The following CEP128 variants were observed in gnomAD, a reference collection of about 807,000 sequenced individuals.
CEP128 encodes the protein centrosomal protein 128kDa.
In CEP128, 132 loss-of-function variants were observed where a neutral mutation model predicts 156.7. The ratio of observed to expected loss-of-function variants is 0.84; its 90% CI spans 0.73 to 0.97. CEP128 has a LOEUF of 0.97. CEP128 is among the 50% of genes least tolerant of loss of function. The pLI is 0.00. For missense variants in CEP128, 1,252 were observed against 1,281.9 expected, an observed-to-expected ratio of 0.98 and a Z score of 0.36; for synonymous variants, 469 against 448.9, an observed-to-expected ratio of 1.04 and a Z score of -0.57.
intron 19 of CEP128, among the ~76,000 whole-genome samples, chr14:80,593,414 G>A (rs939375078): frequency 4.0e-5 from 6 of 151,748 alleles, no homozygotes; most frequent in African/African-American, 7.3e-5. Context: ...GGTGGAAGGC[G>A]CCTGTAGTCC....
At chr14:80,925,546 T>C (rs1198886424) in intron 2 of CEP128, among the ~76,000 whole-genome samples, 1 of 152,128 alleles carries the variant, frequency 6.6e-6, no homozygotes, top group Non-Finnish European at 1.5e-5. Flanking sequence ...GTAGCTAGTG[T>C]GATGTTAAAC....
At chr14:80,619,890 C>T (rs34201956) in intron 19 of CEP128, among the ~76,000 whole-genome samples, 71,460 of 151,626 alleles carry the variant, frequency 0.47, 19,788 homozygotes, top group Non-Finnish European at 0.59. Flanking sequence ...TTTGGGAGGT[C>T]GAGGCGTGTG....
intron 12 of CEP128, among the ~76,000 whole-genome samples, chr14:80,833,535 T>C (rs1885920970): frequency 6.6e-6 from 1 of 151,978 alleles, no homozygotes; most frequent in Non-Finnish European, 1.5e-5. Context: ...TTGGTCAGTA[T>C]AGGATAGCAG....
At chr14:80,956,621 T>C (rs1292333739) in intron 2 of CEP128, among the ~76,000 whole-genome samples, 1 of 152,050 alleles carries the variant, frequency 6.6e-6, no homozygotes, top group Non-Finnish European at 1.5e-5. Flanking sequence ...CTTGATTAGT[T>C]AAAAAGAGAA....
At position 80,778,023 on chromosome 14, in the gene CEP128, A is replaced by G; in HGVS notation, c.2235T>C (p.Asn745=). 6.2e-7 allele frequency: 1 copy of G among 1,613,400 alleles called. No homozygotes were observed. Among genetic ancestry groups the G allele is most frequent in the Non-Finnish European group, 8.5e-7 (1 of 1,179,854 alleles). ...GCTGACCACGATGAATTTTAGCCATATTCTTCTCTTCTAAACTTTCAGCCT... is the reference window on the plus strand; with the variant it reads ...GCTGACCACGATGAATTTTAGCCATGTTCTTCTCTTCTAAACTTTCAGCCT... ...TLKAESLEEK[N]MAKIHRGQLE... Residue 745 remains asparagine, a synonymous_variant, in exon 16 of 25, where the codon AAT becomes AAC. Transcript: ENST00000555265.
At chr14:80,756,394 T>G (rs113037033) in intron 18 of CEP128, among the ~76,000 whole-genome samples, 2 of 152,182 alleles carry the variant, frequency 1.3e-5, no homozygotes, top group African/African-American at 4.8e-5. Flanking sequence ...CACCCATGTC[T>G]TACTCACCAA....
At chr14:80,692,738 C>G (rs1454696218) in intron 19 of CEP128, among the ~76,000 whole-genome samples, 1 of 152,138 alleles carries the variant, frequency 6.6e-6, no homozygotes, top group African/African-American at 2.4e-5. Context: ...CTCTAAGAAT[C>G]CTGCTACATT....
chr14:80,701,961 ATTCT>A (rs1336176921), intron 19 of CEP128, among the ~76,000 whole-genome samples: 1 of 152,118 alleles, frequency 6.6e-6, no homozygotes, highest in African/African-American at 2.4e-5. Flanking sequence ...TGGTGCTCAC[ATTCT>A]TTCATTCTTG....
At chr14:80,557,848 G>GA (rs912128900) in intron 21 of CEP128, among the ~76,000 whole-genome samples, 11 of 149,028 alleles carry the variant, frequency 7.4e-5, no homozygotes, top group Non-Finnish European at 1.2e-4. Context: ...AATATAAAAA[G>GA]AAAAAAAAAT....
chr14:80,743,668 G>C (rs186541348), intron 18 of CEP128, among the ~76,000 whole-genome samples: 46 of 152,192 alleles, frequency 3.0e-4, no homozygotes, highest in Non-Finnish European at 8.8e-5. Flanking sequence ...TTTTTTAAAA[G>C]ATAAAATTCC....
At chr14:80,818,018 C>T (rs1010721255) in intron 13 of CEP128, among the ~76,000 whole-genome samples, 2 of 152,136 alleles carry the variant, frequency 1.3e-5, no homozygotes, top group African/African-American at 4.8e-5. Context: ...TAAACACCAA[C>T]TCAGAGAAAT....
chr14:80,682,966 A>T (rs983808937), intron 19 of CEP128, among the ~76,000 whole-genome samples: 2 of 151,996 alleles, frequency 1.3e-5, no homozygotes, highest in African/African-American at 4.8e-5. Context: ...AAACAAAAGA[A>T]TGATAGCTAG....
chr14:80,556,347 C>G (rs1382330894), intron 21 of CEP128, among the ~76,000 whole-genome samples: 1 of 152,178 alleles, frequency 6.6e-6, no homozygotes, highest in Non-Finnish European at 1.5e-5. Flanking sequence ...TGAGCACAGT[C>G]TTATGTGAGG....
At position 80,526,932 on chromosome 14, in the gene CEP128, C is replaced by G. The variant is rs370431744; in HGVS notation, c.3009G>C (p.Arg1003Ser). Residue 1003 changes from arginine to serine, a missense_variant, in exon 23 of 25, where the codon AGG becomes AGC. By Grantham distance (110) the Arg-to-Ser change is moderately radical. Transcript: ENST00000555265. ...GATGCTGAAGAGAATTTCTGCGAAC[C>G]CTGTATTTGGAATATCTTCCATCAG... ...ERTDGRYSKYRVRRNSLQHHQ... is the reference protein window; with the variant it reads ...ERTDGRYSKYSVRRNSLQHHQ... The G allele has an allele frequency of 3.1e-6, 5 of 1,610,098 alleles. No homozygotes were observed. The highest frequency in any genetic ancestry group is 1.6e-4 in the Middle Eastern group (1 of 6,066).
chr14:80,529,100 C>T (rs1258703740), intron 22 of CEP128, among the ~76,000 whole-genome samples: 1 of 152,186 alleles, frequency 6.6e-6, no homozygotes. Flanking sequence ...AGTTTATGGG[C>T]TCCAAGCTTC....
At chr14:80,859,542 T>TATAATA (rs1276582573) in intron 9 of CEP128, among the ~76,000 whole-genome samples, 2 of 151,538 alleles carry the variant, frequency 1.3e-5, no homozygotes, top group African/African-American at 4.9e-5. Context: ...AAACTTAAAG[T>TATAATA]ATAATAATAA....
At chr14:80,905,831 T>C (rs954073818) in intron 5 of CEP128, 124 bp downstream of exon 5, 3 of 843,594 alleles carry the variant, frequency 3.6e-6, no homozygotes, top group Non-Finnish European at 1.8e-6. Context: ...CCTTGACAAC[T>C]ACATGTACTA....
At chr14:80,700,259 C>T (rs1231863499) in intron 19 of CEP128, among the ~76,000 whole-genome samples, 1 of 152,056 alleles carries the variant, frequency 6.6e-6, no homozygotes, top group African/African-American at 2.4e-5. Context: ...CCACCCCAAC[C>T]CCTACTCTGT....
At chr14:80,816,035 A>C (rs1334495977) in intron 13 of CEP128, among the ~76,000 whole-genome samples, 1 of 152,122 alleles carries the variant, frequency 6.6e-6, no homozygotes, top group Non-Finnish European at 1.5e-5. Flanking sequence ...CAAAAAAAAA[A>C]CCCAGACTTC....
Sources: gnomAD v4.1 joint callset for allele counts (sites outside exome capture counted in the v4.1 genomes callset) on GRCh38, gnomAD v4.1.1 for gene constraint, MANE v1.5 for transcripts, NCBI Gene and HGNC (gene_info 2026-07-23, HGNC 2026-07-21) for gene names.